Variants in RCSD1 observed in about 807,000 individuals in gnomAD.
The protein encoded by RCSD1 is capZ-interacting protein.
RCSD1 carries 26 observed loss-of-function variants against 42.5 expected under a neutral mutation model. The observed-to-expected ratio is 0.61, with a 90% CI of 0.45 to 0.85. The LOEUF (loss-of-function observed/expected upper bound fraction) is 0.85. Ranked by LOEUF, RCSD1 falls within the 40% of genes least tolerant of loss-of-function variation. The pLI is 0.00. For synonymous variants in RCSD1, 220 were observed against 212.2 expected (o/e 1.04, Z -0.32); for missense variants, 571 against 528.3 (o/e 1.08, Z -0.79).
At chr1:167,635,520 C>T (rs998755438) in intron 1 of RCSD1, among the ~76,000 whole-genome samples, 3 of 152,200 alleles carry the variant, frequency 2.0e-5, no homozygotes, top group African/African-American at 7.2e-5. Flanking sequence ...AGCGTGGCTC[C>T]TCACAGCACT....
At chr1:167,678,854 G>C (rs998497787) in intron 1 of RCSD1, among the ~76,000 whole-genome samples, 3 of 152,176 alleles carry the variant, frequency 2.0e-5, no homozygotes, top group African/African-American at 7.2e-5. Context: ...CTTTGTTTCT[G>C]TCTGTGCTTC....
At chr1:167,688,576 G>A (rs1192647573) in intron 3 of RCSD1, among the ~76,000 whole-genome samples, 2 of 152,198 alleles carry the variant, frequency 1.3e-5, no homozygotes, top group African/African-American at 4.8e-5. Context: ...GAGGCCAAGG[G>A]CTTCGTCTGG....
At chr1:167,690,631 T>C (rs1659352780) in intron 4 of RCSD1, among the ~76,000 whole-genome samples, 2 of 152,092 alleles carry the variant, frequency 1.3e-5, no homozygotes, top group African/African-American at 4.8e-5. Context: ...CTGAGGTCAC[T>C]TCACTACACT....
intron 1 of RCSD1, among the ~76,000 whole-genome samples, chr1:167,639,174 G>A (rs998588638): frequency 3.3e-5 from 5 of 152,104 alleles, no homozygotes; most frequent in East Asian, 3.9e-4. Context: ...CAGAGATCAC[G>A]CCACTGCACT....
intron 5 of RCSD1, among the ~76,000 whole-genome samples, chr1:167,696,723 A>T (rs1659505723): frequency 1.3e-5 from 2 of 152,160 alleles, no homozygotes; most frequent in Non-Finnish European, 2.9e-5. Flanking sequence ...AAAGTGCTGG[A>T]TTACATGTGT....
intron 1 of RCSD1, among the ~76,000 whole-genome samples, chr1:167,630,886 G>C (rs1313310265): frequency 6.6e-6 from 1 of 152,210 alleles, no homozygotes; most frequent in African/African-American, 2.4e-5. Flanking sequence ...GCACGTCTTC[G>C]TGGGTCTGTG....
Position 167,659,267 on chromosome 1 carries a change from G to A in RCSD1, c.7-24633G>A, listed in dbSNP as rs145236927. On this transcript the variant is annotated intron_variant, in intron 1 of 6. Transcript: ENST00000367854. ...ATGTATTGTTCCTGTCATTATGCGAGAGTGCTTTATATAACAGACATTACC... is the reference window on the plus strand; with the variant it reads ...ATGTATTGTTCCTGTCATTATGCGAAAGTGCTTTATATAACAGACATTACC... Among the ~76,000 whole-genome samples, 31 of 152,232 alleles carry A rather than the reference G, an allele frequency of 2.0e-4. 1 individual carries two copies. The highest frequency in any genetic ancestry group is 5.9e-4 in the Admixed American group (9 of 15,290).
At chr1:167,666,961 G>T (rs1030831588) in intron 1 of RCSD1, among the ~76,000 whole-genome samples, 1 of 152,224 alleles carries the variant, frequency 6.6e-6, no homozygotes, top group Non-Finnish European at 1.5e-5. Flanking sequence ...CAAAAGATTG[G>T]AGACCCCTGC....
At position 167,630,318 on chromosome 1, in the gene RCSD1, C is replaced by A; in HGVS notation, c.-106C>A. ...CACCGCCCACTCGCCCTGTGCCCGC[C>A]GCAGCCCGAAACTGGCCACGGCCGG... On this transcript the variant is annotated 5_prime_UTR_variant, in exon 1 of 7. Transcript: ENST00000367854. The A allele has an allele frequency of 8.1e-7, 1 of 1,238,042 alleles. No homozygotes were observed. The highest frequency in any genetic ancestry group is 1.0e-6 in the Non-Finnish European group (1 of 971,414). 76.7% of individuals were successfully genotyped at this position (1,238,042 alleles called of 1,614,324 possible).
rs1347837775 is a variant in RCSD1, at chr1:167,707,609, TTTAA to T, written c.*2917_*2920del. Among the ~76,000 whole-genome samples the T allele has an allele frequency of 6.6e-6, 1 of 152,162 alleles. No individual in the cohort carries two copies. The highest frequency in any genetic ancestry group is 1.5e-5 in the Non-Finnish European group (1 of 68,018). On this transcript the variant is annotated 3_prime_UTR_variant, in exon 7 of 7. Coordinates refer to ENST00000367854, the MANE Select transcript of RCSD1 (RefSeq NM_052862.4). ...TTTTTTTTTCTTTTTTAAAAACTTA[TTTAA>T]TTAGTTTTCCTTAATAGTTGCAGCC...
intron 6 of RCSD1, among the ~76,000 whole-genome samples, chr1:167,703,410 T>G (rs568326797): frequency 1.3e-5 from 2 of 152,182 alleles, no homozygotes; most frequent in South Asian, 4.2e-4. Context: ...TCCCAGTATT[T>G]TAGGAGGCCG....
At chr1:167,701,808 G>T (rs141726399) in intron 6 of RCSD1, among the ~76,000 whole-genome samples, 28 of 152,286 alleles carry the variant, frequency 1.8e-4, no homozygotes, top group East Asian at 1.9e-4. Flanking sequence ...CTTAAACCAG[G>T]TCAAGGTCAG....
At position 167,655,207 on chromosome 1, in the gene RCSD1, T is replaced by A. The variant is rs569697442; in HGVS notation, c.6+24778T>A. On this transcript the variant is annotated intron_variant, in intron 1 of 6. Coordinates refer to ENST00000367854, the MANE Select transcript of RCSD1 (RefSeq NM_052862.4). ...ACCTGCCCCAAGACCCTCACTGACA[T>A]CACCCTTAGGCATCCGGATAGCTTG... Among the ~76,000 whole-genome samples the A allele has an allele frequency of 3.3e-5, 5 of 152,220 alleles. 1 individual carries two copies. The South Asian group carries it at 8.3e-4, about 25-fold the overall frequency.
At chr1:167,674,669 T>A (rs1225219399) in intron 1 of RCSD1, among the ~76,000 whole-genome samples, 1 of 152,212 alleles carries the variant, frequency 6.6e-6, no homozygotes, top group Non-Finnish European at 1.5e-5. Context: ...TTAACCTACT[T>A]TCTTTCTCTC....
At chr1:167,640,211 G>A (rs147091082) in intron 1 of RCSD1, among the ~76,000 whole-genome samples, 11 of 152,278 alleles carry the variant, frequency 7.2e-5, no homozygotes, top group South Asian at 2.1e-4. Flanking sequence ...CAACAGAAAC[G>A]TCTCCTTTCA....
At chr1:167,632,443 C>A (rs535589330) in intron 1 of RCSD1, among the ~76,000 whole-genome samples, 1 of 152,278 alleles carries the variant, frequency 6.6e-6, no homozygotes, top group South Asian at 2.1e-4. Flanking sequence ...AGTTTCTCCC[C>A]CCTCAGATGA....
intron 1 of RCSD1, among the ~76,000 whole-genome samples, chr1:167,633,014 G>A (rs960222933): frequency 1.3e-4 from 20 of 152,190 alleles, no homozygotes; most frequent in African/African-American, 4.6e-4. Context: ...ACTGTATCTG[G>A]AAAGAAATTA....
At chr1:167,649,618 GGT>G (rs1331530721) in intron 1 of RCSD1, among the ~76,000 whole-genome samples, 1 of 152,140 alleles carries the variant, frequency 6.6e-6, no homozygotes, top group African/African-American at 2.4e-5. Flanking sequence ...GAGAGAGCAT[GGT>G]ATGAGGCCTT....
At position 167,683,986 on chromosome 1, in the gene RCSD1, G is replaced by A. The variant is rs149395732; in HGVS notation, c.93G>A (p.Ala31=). 29 of 1,613,650 alleles carry A rather than the reference G, an allele frequency of 1.8e-5. No individual in the cohort carries two copies. In the Middle Eastern group the frequency reaches 6.6e-4, roughly 37 times the overall value. The change falls in exon 2 of 7, where the codon GCG becomes GCA. Residue 31 remains alanine (A), a synonymous_variant. Coordinates refer to ENST00000367854, the MANE Select transcript of RCSD1 (RefSeq NM_052862.4). ...TGGCCGGGCGGTTTAGGGAGCAGGC[G>A]GCTGCAGCCAAGGAGGTGAGTCAGG... The part of the protein sequence containing the change: ...AQLAGRFREQ[A]AAAKETPASK...
Sources: allele counts gnomAD v4.1 joint callset (sites outside exome capture counted in the v4.1 genomes callset), GRCh38; gene constraint gnomAD v4.1.1; transcripts MANE v1.5; gene names NCBI Gene and HGNC (gene_info 2026-07-23, HGNC 2026-07-21).